GALNT18: variants seen among roughly 807,000 people sequenced by gnomAD.
The protein encoded by GALNT18 is GalNAc-transferase 18.
A neutral mutation model predicts 69.5 loss-of-function variants in GALNT18; 44 were observed. The observed-to-expected ratio is 0.63, with a 90% CI of 0.50 to 0.81. The LOEUF (loss-of-function observed/expected upper bound fraction) is 0.81. Among genes scored for constraint, GALNT18 ranks in the 40% least tolerant of loss-of-function variants. The probability of loss-of-function intolerance (pLI) is 0.00; values close to 1 mark genes in which losing one functional copy is unlikely to be tolerated. For missense variants in GALNT18, 715 were observed against 810.0 expected (o/e 0.88, Z 1.42); for synonymous variants, 364 against 318.2 (o/e 1.14, Z -1.53).
intron 9 of GALNT18, among the ~76,000 whole-genome samples, chr11:11,306,229 G>A (rs11021767): frequency 1.3e-5 from 2 of 151,872 alleles, no homozygotes; most frequent in Admixed American, 6.6e-5. Context: ...GTGCATGTGT[G>A]TGTGTATGTG....
intron 9 of GALNT18, among the ~76,000 whole-genome samples, chr11:11,294,069 CAT>C (rs1291340944): frequency 1.9e-4 from 29 of 152,166 alleles, no homozygotes; most frequent in African/African-American, 6.0e-4. Context: ...TATGGGGACT[CAT>C]AGGACTCAGC....
chr11:11,410,808 C>T (rs867764390), intron 3 of GALNT18, among the ~76,000 whole-genome samples: 15 of 151,544 alleles, frequency 9.9e-5, no homozygotes, highest in Admixed American at 5.2e-4. Flanking sequence ...GCCCTTGGTG[C>T]TTCAAGTGAA....
At chr11:11,388,405 G>C (rs895360341) in intron 3 of GALNT18, among the ~76,000 whole-genome samples, 10 of 152,196 alleles carry the variant, frequency 6.6e-5, no homozygotes, top group African/African-American at 2.2e-4. Flanking sequence ...GCAGGTTATA[G>C]AAAAATGTTT....
intron 1 of GALNT18, 86 bp from the exon 2 acceptor site, chr11:11,449,022 C>T: frequency 8.6e-7 from 1 of 1,164,598 alleles, no homozygotes; most frequent in Non-Finnish European, 1.2e-6. Context: ...TCACAAACAG[C>T]CTTTGGTAAA....
At chr11:11,322,896 C>T (rs1564894652) in intron 9 of GALNT18, among the ~76,000 whole-genome samples, 1 of 152,188 alleles carries the variant, frequency 6.6e-6, no homozygotes, top group Non-Finnish European at 1.5e-5. Flanking sequence ...CAGACAGCTG[C>T]TGTATCACTG....
intron 1 of GALNT18, among the ~76,000 whole-genome samples, chr11:11,557,822 C>T (rs2133977917): frequency 6.6e-6 from 1 of 152,338 alleles, no homozygotes; most frequent in African/African-American, 2.4e-5. Context: ...CATCTAGCCA[C>T]CAAGAGGATG....
chr11:11,344,727 T>C (rs7940948), intron 6 of GALNT18, among the ~76,000 whole-genome samples: 13 of 152,122 alleles, frequency 8.5e-5, no homozygotes, highest in Admixed American at 3.3e-4. Flanking sequence ...TGGGTAAGTG[T>C]TTAACACTGA....
Position 11,383,156 on chromosome 11 carries a change from G to A in GALNT18, c.596-3892C>T, listed in dbSNP as rs746094594. Among the ~76,000 whole-genome samples, 37 of 152,164 alleles carry A rather than the reference G, an allele frequency of 2.4e-4. No individual in the cohort carries two copies. Among genetic ancestry groups the A allele is most frequent in the African/African-American group, 7.0e-4 (29 of 41,524 alleles). On this transcript the variant is annotated intron_variant, in intron 3 of 10. Transcript: ENST00000227756. This position sits in a 1 kb window ranked among gnomAD's most constrained non-coding sequence, Gnocchi z 5.2. ...CACAGGCCACTCTCCACATCCCCAC[G>A]GGGAGCCTCCTCTCCGGGCCTGCTC...
intron 1 of GALNT18, among the ~76,000 whole-genome samples, chr11:11,479,260 C>T (rs544070786): frequency 6.7e-6 from 1 of 149,328 alleles, no homozygotes; most frequent in South Asian, 2.1e-4. Flanking sequence ...TGGAAGTCTC[C>T]TTAACAGGGA....
At chr11:11,405,199 G>A (rs1854562889) in intron 3 of GALNT18, among the ~76,000 whole-genome samples, 1 of 137,454 alleles carries the variant, frequency 7.3e-6, no homozygotes. Flanking sequence ...GGGTGGTCAG[G>A]GCAAGGTGGA....
chr11:11,299,322 T>G (rs4910303), intron 9 of GALNT18, among the ~76,000 whole-genome samples: 2 of 151,942 alleles, frequency 1.3e-5, no homozygotes, highest in South Asian at 2.1e-4. Flanking sequence ...TTTTTTTTAC[T>G]TTTAGTAGGG....
In GALNT18 at chr11:11,620,012, T is replaced by C. The variant is rs1328685524; in HGVS notation, c.235+1347A>G. The stretch of plus-strand genomic sequence containing the variant: ...GAACCTTCCCCTCCTGGAAAGGAAC[T>C]ATTCTGGACACCTGGGGAAACACCA... On this transcript the variant is annotated intron_variant, in intron 1 of 10. Transcript: ENST00000227756. The surrounding 1 kb of genome is among the most constrained non-coding windows in gnomAD (Gnocchi z 6.9). Among the ~76,000 whole-genome samples, 1 of 152,182 alleles carries C rather than the reference T, an allele frequency of 6.6e-6. No individual in the cohort carries two copies. The highest frequency in any genetic ancestry group is 1.9e-4 in the East Asian group (1 of 5,164).
At chr11:11,419,383 G>A (rs1199797304) in intron 3 of GALNT18, among the ~76,000 whole-genome samples, 1 of 151,808 alleles carries the variant, frequency 6.6e-6, no homozygotes, top group African/African-American at 2.4e-5. Flanking sequence ...GATCACTTGA[G>A]GTCAGGAGTT....
chr11:11,337,768 C>T lies in GALNT18; in HGVS notation c.1278+3051G>A, dbSNP rs1850137817. On this transcript the variant is annotated intron_variant, in intron 7 of 10. Coordinates refer to ENST00000227756, the MANE Select transcript of GALNT18 (RefSeq NM_198516.3). The surrounding 1 kb of genome is among the most constrained non-coding windows in gnomAD (Gnocchi z 4.9). ...GGTGTGAGAAACAGCATGGCATGGA[C>T]GGTATGTAATGGGCAGTTCCCATAG... Among the ~76,000 whole-genome samples the T allele has an allele frequency of 6.6e-6, 1 of 151,856 alleles. No homozygotes were observed.
At position 11,405,395 on chromosome 11, in the gene GALNT18, T is replaced by C. The variant is rs149572242; in HGVS notation, c.596-26131A>G. On this transcript the variant is annotated intron_variant, in intron 3 of 10. Coordinates refer to ENST00000227756, the MANE Select transcript of GALNT18 (RefSeq NM_198516.3). ...CACAGAGACGAGTTAAAATAATCCTTTTCAAAGTGAATTTGAAGTGGCTAG... is the reference window on the plus strand; with the variant it reads ...CACAGAGACGAGTTAAAATAATCCTCTTCAAAGTGAATTTGAAGTGGCTAG... Among the ~76,000 whole-genome samples the C allele has an allele frequency of 2.3e-3, 350 of 152,306 alleles. 3 individuals carry two copies. The highest frequency in any genetic ancestry group is 8.3e-3 in the African/African-American group (345 of 41,556).
chr11:11,621,709 G>T lies in GALNT18; in HGVS notation c.-116C>A. Reference sequence around the variant, plus strand: ...GGAGCCGCTGGGCACCTCAGCACCTGAGTCCCGAGGTTCTCCAAAGCCCGG... The same window carrying T: ...GGAGCCGCTGGGCACCTCAGCACCTTAGTCCCGAGGTTCTCCAAAGCCCGG... On this transcript the variant is annotated 5_prime_UTR_variant, in exon 1 of 11. Transcript: ENST00000227756. This position sits in a 1 kb window ranked among gnomAD's most constrained non-coding sequence, Gnocchi z 9.3. The T allele has an allele frequency of 1.4e-6, 1 of 718,764 alleles. No individual in the cohort carries two copies. The highest frequency in any genetic ancestry group is 2.3e-6 in the Non-Finnish European group (1 of 437,432). 44.5% of individuals were successfully genotyped at this position (718,764 alleles called of 1,614,324 possible). A position where few individuals can be genotyped will look rare whatever the true frequency, so the allele number is the denominator to read the frequency against.
intron 3 of GALNT18, among the ~76,000 whole-genome samples, chr11:11,416,962 G>T (rs1451379468): frequency 6.6e-6 from 1 of 152,240 alleles, no homozygotes; most frequent in Middle Eastern, 3.2e-3. Flanking sequence ...CTGACAAGCT[G>T]TCCTAAGTGA....
intron 1 of GALNT18, among the ~76,000 whole-genome samples, chr11:11,486,322 C>T (rs1856644776): frequency 1.3e-5 from 2 of 152,042 alleles, no homozygotes; most frequent in Admixed American, 1.3e-4. Context: ...CAGGACTATC[C>T]CCATCTTAGG....
intron 1 of GALNT18, among the ~76,000 whole-genome samples, chr11:11,581,841 C>G (rs1304944695): frequency 6.6e-6 from 1 of 152,162 alleles, no homozygotes; most frequent in Admixed American, 6.5e-5. Context: ...ATGCTGGGAG[C>G]CTCTTTTCTT....
Sources: allele counts gnomAD v4.1 joint callset (sites outside exome capture counted in the v4.1 genomes callset), GRCh38; gene constraint gnomAD v4.1.1; non-coding constraint Gnocchi (gnomAD v3.1); transcripts MANE v1.5; gene names NCBI Gene and HGNC (gene_info 2026-07-23, HGNC 2026-07-21).